The following KCNH7 variants were observed in gnomAD, a reference collection of about 807,000 sequenced individuals.
The protein encoded by KCNH7 is voltage-gated inwardly rectifying potassium channel KCNH7.
Under a neutral mutation model 120.8 loss-of-function variants are expected in KCNH7, and 49 were observed. The observed-to-expected ratio is 0.41, with a 90% CI of 0.32 to 0.51. The LOEUF is 0.51. Ranked by LOEUF, KCNH7 falls within the 20% of genes least tolerant of loss-of-function variation. The probability of loss-of-function intolerance (pLI) is 0.38; values close to 1 mark genes in which losing one functional copy is unlikely to be tolerated. For synonymous variants in KCNH7, 547 were observed against 516.1 expected (o/e 1.06, Z -0.81); for missense variants, 1,097 against 1,446.6 (o/e 0.76, Z 3.92).
intron 12 of KCNH7, among the ~76,000 whole-genome samples, chr2:162,385,461 A>G (rs1686545508): frequency 6.6e-6 from 1 of 151,948 alleles, no homozygotes; most frequent in South Asian, 2.1e-4. Flanking sequence ...TGGCCTTGGC[A>G]TTCCAGGCAG....
At position 162,722,813 on chromosome 2, in the gene KCNH7, C is replaced by CTTTTTTTTTTTTTTTTTT. The variant is rs894023630; in HGVS notation, c.307+113706_307+113723dup. Among the ~76,000 whole-genome samples the CTTTTTTTTTTTTTTTTTT allele has an allele frequency of 6.1e-4, 52 of 85,086 alleles. 3 individuals are homozygous for CTTTTTTTTTTTTTTTTTT. Among genetic ancestry groups the CTTTTTTTTTTTTTTTTTT allele is most frequent in the African/African-American group, 2.5e-3 (42 of 16,528 alleles). The allele number at this position is 85,086 out of a possible 152,430, so 55.8% of individuals were successfully genotyped here. Reference sequence around the variant, plus strand: ...AATCCTTTTCATTCATTCTTTTTTTCTTTTTTTTTTTTTTTTTTGCTTCTC... The same window carrying CTTTTTTTTTTTTTTTTTT: ...AATCCTTTTCATTCATTCTTTTTTTCTTTTTTTTTTTTTTTTTTTTTTTTTTTTTTTTTTTTGCTTCTC... On this transcript the variant is annotated intron_variant, in intron 2 of 15. Coordinates refer to ENST00000332142, the MANE Select transcript of KCNH7 (RefSeq NM_033272.4).
At chr2:162,413,319 G>C (rs1443078606) in intron 9 of KCNH7, among the ~76,000 whole-genome samples, 1 of 152,016 alleles carries the variant, frequency 6.6e-6, no homozygotes, top group Non-Finnish European at 1.5e-5. Flanking sequence ...AGTACATGGG[G>C]TTTCACCACG....
intron 2 of KCNH7, among the ~76,000 whole-genome samples, chr2:162,660,147 T>C (rs1684909785): frequency 1.3e-5 from 2 of 152,168 alleles, no homozygotes; most frequent in African/African-American, 4.8e-5. Flanking sequence ...AATTTCGTTA[T>C]ATCTTTTCTT....
chr2:162,765,921 T>G (rs1682785365), intron 2 of KCNH7, among the ~76,000 whole-genome samples: 1 of 151,982 alleles, frequency 6.6e-6, no homozygotes, highest in South Asian at 2.1e-4. Context: ...GCCAGTTAAT[T>G]TTTACATAAT....
chr2:162,823,072 G>T (rs1474397976), intron 2 of KCNH7, among the ~76,000 whole-genome samples: 4 of 152,186 alleles, frequency 2.6e-5, no homozygotes, highest in Admixed American at 2.6e-4. Flanking sequence ...GGGTGAGGTG[G>T]TACAGTAGAG....
intron 2 of KCNH7, among the ~76,000 whole-genome samples, chr2:162,804,516 AC>A (rs1220699989): frequency 6.6e-6 from 1 of 152,006 alleles, no homozygotes; most frequent in Non-Finnish European, 1.5e-5. Context: ...CAAACAAAAA[AC>A]AACCTAGGAA....
intron 2 of KCNH7, among the ~76,000 whole-genome samples, chr2:162,577,147 T>C (rs930050354): frequency 2.0e-5 from 3 of 151,950 alleles, no homozygotes; most frequent in Non-Finnish European, 4.4e-5. Flanking sequence ...CCTGAACTTC[T>C]GGCCTCAAGT....
At chr2:162,544,971 A>G (rs921329540) in intron 2 of KCNH7, among the ~76,000 whole-genome samples, 3 of 152,174 alleles carry the variant, frequency 2.0e-5, no homozygotes, top group Non-Finnish European at 4.4e-5. Context: ...ATTAACAACC[A>G]TATAATTAAA....
chr2:162,837,705 T>G (rs1028328279), intron 1 of KCNH7, among the ~76,000 whole-genome samples: 6 of 152,232 alleles, frequency 3.9e-5, no homozygotes, highest in Non-Finnish European at 8.8e-5. Flanking sequence ...AGCAACAATT[T>G]ATTCCCTATA....
chr2:162,390,927 T>A (rs1269775747), intron 12 of KCNH7, among the ~76,000 whole-genome samples: 1 of 152,034 alleles, frequency 6.6e-6, no homozygotes, highest in East Asian at 1.9e-4. Flanking sequence ...AAATTATATC[T>A]TATTCAATGT....
chr2:162,454,503 C>T (rs1437893586), intron 6 of KCNH7, among the ~76,000 whole-genome samples: 2 of 152,056 alleles, frequency 1.3e-5, no homozygotes, highest in Non-Finnish European at 2.9e-5. Context: ...TCAATGGTAG[C>T]TTGATGGCAA....
intron 2 of KCNH7, among the ~76,000 whole-genome samples, chr2:162,805,494 A>C (rs1040315155): frequency 6.6e-6 from 1 of 152,144 alleles, no homozygotes; most frequent in Non-Finnish European, 1.5e-5. Flanking sequence ...GCTCAATATC[A>C]CTTATCATCA....
At chr2:162,513,426 TTTCCTTCCTTCC>T (rs573753682) in intron 4 of KCNH7, among the ~76,000 whole-genome samples, 2 of 89,556 alleles carry the variant, frequency 2.2e-5, no homozygotes, top group African/African-American at 8.5e-5. Context: ...TCCCTCCTTC[TTTCCTTCCTTCC>T]TTCCTTCCTT....
At chr2:162,710,367 TC>T (rs1391106912) in intron 2 of KCNH7, among the ~76,000 whole-genome samples, 3 of 152,258 alleles carry the variant, frequency 2.0e-5, no homozygotes, top group Admixed American at 2.0e-4. Context: ...TTTTAGAACT[TC>T]TATTTTTGTT....
chr2:162,645,874 A>G (rs1443573551), intron 2 of KCNH7, among the ~76,000 whole-genome samples: 3 of 152,110 alleles, frequency 2.0e-5, no homozygotes, highest in African/African-American at 4.8e-5. Context: ...CTGTCCAGTG[A>G]GAGAATTTGA....
intron 2 of KCNH7, among the ~76,000 whole-genome samples, chr2:162,582,330 A>T (rs1693897918): frequency 6.6e-6 from 1 of 152,038 alleles, no homozygotes; most frequent in Non-Finnish European, 1.5e-5. Flanking sequence ...AACCCAGGAG[A>T]CATTATCCCA....
chr2:162,764,636 G>A (rs972104605), intron 2 of KCNH7, among the ~76,000 whole-genome samples: 2 of 152,014 alleles, frequency 1.3e-5, no homozygotes, highest in Non-Finnish European at 1.5e-5. Flanking sequence ...AAGCCAGATC[G>A]AAACTGACAG....
At chr2:162,769,854 A>G (rs1682974134) in intron 2 of KCNH7, among the ~76,000 whole-genome samples, 1 of 152,134 alleles carries the variant, frequency 6.6e-6, no homozygotes, top group Non-Finnish European at 1.5e-5. Context: ...CAAACTTAGG[A>G]TGCAAATAAG....
At chr2:162,436,481 C>G (rs1343415929) in intron 7 of KCNH7, among the ~76,000 whole-genome samples, 1 of 152,048 alleles carries the variant, frequency 6.6e-6, no homozygotes, top group African/African-American at 2.4e-5. Context: ...TAGGCTACTT[C>G]TATATAATAA....
Sources: allele counts gnomAD v4.1 joint callset (sites outside exome capture counted in the v4.1 genomes callset), GRCh38; gene constraint gnomAD v4.1.1; transcripts MANE v1.5; gene names NCBI Gene and HGNC (gene_info 2026-07-23, HGNC 2026-07-21).